Variants in NTRK3 observed in about 807,000 individuals in gnomAD.
NTRK3 encodes the protein NT-3 growth factor receptor.
NTRK3 carries 24 observed loss-of-function variants against 91.7 expected under a neutral mutation model. That is an observed-to-expected ratio of 0.26 (90% CI 0.19 to 0.37). The LOEUF is 0.37. Among genes scored for constraint, NTRK3 ranks in the 10% least tolerant of loss-of-function variants. The probability of loss-of-function intolerance (pLI) is 1.00; values close to 1 mark genes in which losing one functional copy is unlikely to be tolerated. For synonymous variants in NTRK3, 483 were observed against 404.0 expected, an observed-to-expected ratio of 1.20 and a Z score of -2.34; for missense variants, 880 against 1,068.9, an observed-to-expected ratio of 0.82 and a Z score of 2.46.
intron 3 of NTRK3, among the ~76,000 whole-genome samples, chr15:88,209,504 A>T (rs545480186): frequency 6.6e-6 from 1 of 152,342 alleles, no homozygotes; most frequent in South Asian, 2.1e-4. Context: ...TAATGGGGAA[A>T]CGGGTGACAT....
At chr15:88,044,383 C>T (rs886903543) in intron 13 of NTRK3, among the ~76,000 whole-genome samples, 1 of 149,528 alleles carries the variant, frequency 6.7e-6, no homozygotes, top group Non-Finnish European at 1.5e-5. Flanking sequence ...GCCTCAGCTT[C>T]CCGAGTAGCT....
At chr15:87,974,489 T>G (rs2073545055) in intron 14 of NTRK3, among the ~76,000 whole-genome samples, 1 of 151,706 alleles carries the variant, frequency 6.6e-6, no homozygotes, top group African/African-American at 2.4e-5. Flanking sequence ...TAACCTGATA[T>G]CCTAAGGATC....
intron 3 of NTRK3, among the ~76,000 whole-genome samples, chr15:88,214,432 T>C (rs1226079893): frequency 2.6e-5 from 4 of 152,146 alleles, no homozygotes; most frequent in South Asian, 2.1e-4. Flanking sequence ...CGAATTCTTA[T>C]AAGAACACCA....
intron 5 of NTRK3, among the ~76,000 whole-genome samples, chr15:88,155,395 A>G (rs1430452305): frequency 6.6e-6 from 1 of 152,220 alleles, no homozygotes; most frequent in African/African-American, 2.4e-5. Context: ...TCTCCCTTAG[A>G]GCCTCCAGAA....
intron 5 of NTRK3, among the ~76,000 whole-genome samples, chr15:88,152,127 C>T (rs1355954484): frequency 6.6e-6 from 1 of 152,060 alleles, no homozygotes; most frequent in Non-Finnish European, 1.5e-5. Flanking sequence ...ATGGTGAAAC[C>T]TCATCTCTAC....
At chr15:88,023,694 G>A (rs1016157950) in intron 14 of NTRK3, among the ~76,000 whole-genome samples, 14 of 152,086 alleles carry the variant, frequency 9.2e-5, no homozygotes, top group Non-Finnish European at 1.6e-4. Flanking sequence ...TAAAACAACC[G>A]CAGGAAGCTA....
At chr15:88,159,333 G>A (rs894641749) in intron 5 of NTRK3, among the ~76,000 whole-genome samples, 2 of 152,198 alleles carry the variant, frequency 1.3e-5, no homozygotes, top group Non-Finnish European at 2.9e-5. Context: ...AGGTTAGAGG[G>A]AACACAAGCC....
intron 14 of NTRK3, among the ~76,000 whole-genome samples, chr15:87,955,507 C>T (rs936694851): frequency 1.3e-5 from 2 of 152,226 alleles, no homozygotes; most frequent in Admixed American, 1.3e-4. Flanking sequence ...GTGGAAGGCA[C>T]ACAGAGTGAC....
At chr15:87,883,762 C>T (rs1337541125) in intron 17 of NTRK3, among the ~76,000 whole-genome samples, 3 of 149,548 alleles carry the variant, frequency 2.0e-5, no homozygotes, top group African/African-American at 7.3e-5. Flanking sequence ...TAAAAGTTAA[C>T]AAGAAAGAAT....
chr15:87,908,844 C>T (rs1269600883), intron 17 of NTRK3, among the ~76,000 whole-genome samples: 1 of 152,056 alleles, frequency 6.6e-6, no homozygotes, highest in East Asian at 2.0e-4. Flanking sequence ...TGACACCACT[C>T]CCAGCACATG....
intron 13 of NTRK3, among the ~76,000 whole-genome samples, chr15:88,090,891 GC>G (rs2048953282): frequency 6.6e-6 from 1 of 152,172 alleles, no homozygotes; most frequent in South Asian, 2.1e-4. Flanking sequence ...CTTGGATGCA[GC>G]CCTCTTGCCT....
intron 14 of NTRK3, among the ~76,000 whole-genome samples, chr15:87,944,748 C>T (rs959548883): frequency 2.6e-5 from 4 of 152,220 alleles, no homozygotes; most frequent in Non-Finnish European, 5.9e-5. Flanking sequence ...GCAGGAGCCC[C>T]CGCTGGAAGC....
intron 14 of NTRK3, among the ~76,000 whole-genome samples, chr15:88,014,467 A>C (rs1243410100): frequency 6.6e-6 from 1 of 152,242 alleles, no homozygotes; most frequent in Non-Finnish European, 1.5e-5. Context: ...GATTAAAAAA[A>C]CTTCTATGTT....
At chr15:88,189,810 G>A (rs993025848) in intron 3 of NTRK3, among the ~76,000 whole-genome samples, 2 of 152,058 alleles carry the variant, frequency 1.3e-5, no homozygotes, top group Admixed American at 1.3e-4. Flanking sequence ...TATGATAAAC[G>A]AATTGGCAAT....
chr15:88,136,115 C>G (rs982419817), intron 8 of NTRK3, 75 bp from the exon 9 acceptor site: 12 of 1,560,568 alleles, frequency 7.7e-6, no homozygotes, highest in South Asian at 1.1e-5. Flanking sequence ...CCCCAAATAC[C>G]TTTAGGAATC....
At chr15:88,124,670 C>A (rs1165498429) in intron 13 of NTRK3, among the ~76,000 whole-genome samples, 1 of 152,194 alleles carries the variant, frequency 6.6e-6, no homozygotes, top group Non-Finnish European at 1.5e-5. Context: ...AGATTGAAAG[C>A]TGTGCGCTCA....
intron 3 of NTRK3, among the ~76,000 whole-genome samples, chr15:88,193,258 G>A (rs2047555059): frequency 6.6e-6 from 1 of 152,142 alleles, no homozygotes; most frequent in African/African-American, 2.4e-5. Context: ...TGATCTCTGG[G>A]GAGAGCTGTG....
At chr15:88,065,146 T>C (rs1304144659) in intron 13 of NTRK3, among the ~76,000 whole-genome samples, 1 of 152,096 alleles carries the variant, frequency 6.6e-6, no homozygotes, top group Non-Finnish European at 1.5e-5. Flanking sequence ...CTACCCATGA[T>C]AGAAAGAGGG....
chr15:88,202,189 C>T (rs1164082241), intron 3 of NTRK3, among the ~76,000 whole-genome samples: 3 of 152,202 alleles, frequency 2.0e-5, no homozygotes, highest in African/African-American at 4.8e-5. Flanking sequence ...TCCAGGTCTT[C>T]TCCTAGCTAA....
Sources: gnomAD v4.1 joint callset for allele counts (sites outside exome capture counted in the v4.1 genomes callset) on GRCh38, gnomAD v4.1.1 for gene constraint, MANE v1.5 for transcripts, NCBI Gene and HGNC (gene_info 2026-07-23, HGNC 2026-07-21) for gene names.